Variants in ATF7IP2 observed in about 807,000 individuals in gnomAD.
ATF7IP2 encodes the protein activating transcription factor 7-interacting protein 2.
In ATF7IP2, 42 loss-of-function variants were observed where a neutral mutation model predicts 64.2. That is an observed-to-expected ratio of 0.65 (90% CI 0.51 to 0.85). The LOEUF (loss-of-function observed/expected upper bound fraction) is 0.85. Ranked by LOEUF, ATF7IP2 falls within the 40% of genes least tolerant of loss-of-function variation. The probability of loss-of-function intolerance (pLI) is 0.00; values close to 1 mark genes in which losing one functional copy is unlikely to be tolerated. For synonymous variants in ATF7IP2, 308 were observed against 272.8 expected (o/e 1.13, Z -1.27); for missense variants, 933 against 784.2 (o/e 1.19, Z -2.27).
intron 1 of ATF7IP2, among the ~76,000 whole-genome samples, chr16:10,395,464 C>T (rs1409432004): frequency 6.6e-6 from 1 of 151,782 alleles, no homozygotes; most frequent in Non-Finnish European, 1.5e-5. Context: ...ATTTGGATAC[C>T]AAAAGCAGAC....
At position 10,481,855 on chromosome 16, in the gene ATF7IP2, A is replaced by G. The variant is rs147878673; in HGVS notation, c.1655A>G (p.His552Arg). ...TTTTAGGTTCCTGAGTCCTTTGAGC[A>G]CCTGCCACCTCTCCCAGAACCACCA... is the stretch of plus-strand genomic sequence containing the variant. ...NAVQVPESFE[H>R]LPPLPEPPAP... Residue 552 changes from histidine to arginine, a missense_variant, in exon 14 of 14, where the codon CAC becomes CGC. Transcript: ENST00000562102. The G allele has an allele frequency of 2.0e-4, 311 of 1,592,684 alleles. 2 individuals are homozygous for G. Among genetic ancestry groups the G allele is most frequent in the Admixed American group, 1.1e-4 (6 of 54,034 alleles).
chr16:10,478,687 C>T (rs2050099518), intron 12 of ATF7IP2, among the ~76,000 whole-genome samples: 2 of 152,092 alleles, frequency 1.3e-5, no homozygotes. Flanking sequence ...TCCTGCACAG[C>T]AAAAGAAACT....
intron 1 of ATF7IP2, among the ~76,000 whole-genome samples, chr16:10,399,983 T>C (rs576494207): frequency 2.6e-5 from 4 of 152,360 alleles, no homozygotes; most frequent in Non-Finnish European, 5.9e-5. Flanking sequence ...GATTTGGCTC[T>C]CAGTTTGATT....
chr16:10,416,719 C>T (rs923689947), intron 2 of ATF7IP2, among the ~76,000 whole-genome samples: 1 of 152,136 alleles, frequency 6.6e-6, no homozygotes, highest in Admixed American at 6.5e-5. Context: ...ATCACATGAA[C>T]CCAGTAGGCG....
At chr16:10,443,716 T>A (rs1222542717) in intron 8 of ATF7IP2, among the ~76,000 whole-genome samples, 1 of 152,072 alleles carries the variant, frequency 6.6e-6, no homozygotes, top group Non-Finnish European at 1.5e-5. Flanking sequence ...AGGTGGAGAA[T>A]GGTGGACAAA....
At chr16:10,415,875 A>G (rs1038226795) in intron 2 of ATF7IP2, among the ~76,000 whole-genome samples, 2 of 152,230 alleles carry the variant, frequency 1.3e-5, no homozygotes, top group Non-Finnish European at 2.9e-5. Flanking sequence ...TTGATCATCA[A>G]CAAAATGCAA....
chr16:10,425,187 T>C (rs1284049935), intron 3 of ATF7IP2, among the ~76,000 whole-genome samples: 1 of 151,030 alleles, frequency 6.6e-6, no homozygotes. Flanking sequence ...GCCTCCTGAG[T>C]AGCTGGGTTT....
At chr16:10,469,935 AAT>A (rs2049728166) in intron 9 of ATF7IP2, among the ~76,000 whole-genome samples, 1 of 152,148 alleles carries the variant, frequency 6.6e-6, no homozygotes, top group Admixed American at 6.5e-5. Context: ...ATGCAGTGAA[AAT>A]ATGTTTCCAA....
intron 2 of ATF7IP2, among the ~76,000 whole-genome samples, chr16:10,418,021 G>A (rs956108175): frequency 9.2e-5 from 14 of 152,328 alleles, no homozygotes; most frequent in East Asian, 5.8e-4. Context: ...TATAGAGTGC[G>A]GAGTGGGAAT....
intron 3 of ATF7IP2, among the ~76,000 whole-genome samples, chr16:10,421,303 A>T (rs2047984239): frequency 6.6e-6 from 1 of 152,126 alleles, no homozygotes; most frequent in Non-Finnish European, 1.5e-5. Flanking sequence ...AGAAATCTAG[A>T]GTCTTCTCTG....
rs759549507 is a variant in ATF7IP2 at position 10,440,386 on chromosome 16, G to C, written c.1118G>C (p.Arg373Thr). ...KLLAKIAKLQ[R>T]RIKTVLLFQR... ...TAGGCAAAAATAGCAAAACTTCAAA[G>C]ACGTATTAAAACAGTATTATTATTT... Residue 373 changes from arginine to threonine, a missense_variant, in exon 8 of 14, where the codon AGA (arginine) becomes ACA (threonine). By Grantham distance (71) the Arg-to-Thr change is moderately conservative. Coordinates refer to ENST00000562102, the MANE Select transcript of ATF7IP2 (RefSeq NM_001393719.1). 1 of 1,552,016 alleles carries C rather than the reference G, an allele frequency of 6.4e-7. No homozygotes were observed. The highest frequency in any genetic ancestry group is 1.4e-5 in the African/African-American group (1 of 71,448).
chr16:10,471,702 G>T (rs2049806512), intron 9 of ATF7IP2, among the ~76,000 whole-genome samples: 1 of 152,098 alleles, frequency 6.6e-6, no homozygotes, highest in Admixed American at 6.6e-5. Context: ...CTTTGTTATA[G>T]TTTTCTACCT....
chr16:10,402,907 C>CAA (rs34917688), intron 1 of ATF7IP2, among the ~76,000 whole-genome samples: 1 of 146,250 alleles, frequency 6.8e-6, no homozygotes, highest in Non-Finnish European at 1.5e-5. Flanking sequence ...GACCCTTTCT[C>CAA]AAAAAAAAAA....
At chr16:10,421,889 C>T (rs2047994984) in intron 3 of ATF7IP2, among the ~76,000 whole-genome samples, 1 of 152,206 alleles carries the variant, frequency 6.6e-6, no homozygotes, top group African/African-American at 2.4e-5. Flanking sequence ...ATTGTAAATA[C>T]AAGCCATTCA....
chr16:10,388,467 AGT>A (rs2047250456), intron 1 of ATF7IP2, among the ~76,000 whole-genome samples: 1 of 152,236 alleles, frequency 6.6e-6, no homozygotes, highest in Non-Finnish European at 1.5e-5. Context: ...AAGTTTCATT[AGT>A]ATACCTCTGA....
chr16:10,427,146 A>G (rs575035683), intron 3 of ATF7IP2, among the ~76,000 whole-genome samples: 6 of 152,152 alleles, frequency 3.9e-5, no homozygotes, highest in Non-Finnish European at 8.8e-5. Context: ...GAGCCACTGC[A>G]CCTGGCCGGA....
chr16:10,472,688 T>C (rs186124942), intron 10 of ATF7IP2, among the ~76,000 whole-genome samples: 117 of 152,152 alleles, frequency 7.7e-4, no homozygotes, highest in Non-Finnish European at 1.4e-3. Flanking sequence ...AAACCCCATC[T>C]GTATTAAAAA....
Position 10,439,288 on chromosome 16 carries a change from G to C in ATF7IP2, c.1095+1053G>C, listed in dbSNP as rs1426062636. On this transcript the variant is annotated intron_variant, in intron 7 of 13. Coordinates refer to ENST00000562102, the MANE Select transcript of ATF7IP2 (RefSeq NM_001393719.1). ...TCTGTCGCCCAGGCTGGAGTGCAGT[G>C]GCGCGATCTCGGCTCACTGCAAGCT... Among the ~76,000 whole-genome samples, 13 of 149,328 alleles carry C rather than the reference G, an allele frequency of 8.7e-5. No homozygotes were observed. The East Asian group carries it at 1.4e-3, about 17-fold the overall frequency.
At chr16:10,446,230 C>A (rs1209735594) in intron 8 of ATF7IP2, 1 of 152,230 alleles carries the variant, frequency 6.6e-6, no homozygotes, top group Non-Finnish European at 1.5e-5. Context: ...TCTAAACACT[C>A]ATGTTCAGGT....
Sources: allele counts gnomAD v4.1 joint callset (sites outside exome capture counted in the v4.1 genomes callset), GRCh38; gene constraint gnomAD v4.1.1; transcripts MANE v1.5; gene names NCBI Gene and HGNC (gene_info 2026-07-23, HGNC 2026-07-21).